The following TMX4 variants were observed in gnomAD, a reference collection of about 807,000 sequenced individuals.
TMX4 encodes the protein thioredoxin-related transmembrane protein 4.
A neutral mutation model predicts 33.3 loss-of-function variants in TMX4; 23 were observed. The ratio of observed to expected loss-of-function variants is 0.69; its 90% CI spans 0.50 to 0.98. TMX4 has a LOEUF of 0.98. Among genes scored for constraint, TMX4 ranks in the 50% least tolerant of loss-of-function variants. The probability of loss-of-function intolerance (pLI) is 0.00; values close to 1 mark genes in which losing one functional copy is unlikely to be tolerated. For missense variants in TMX4, 399 were observed against 448.9 expected (o/e 0.89, Z 1.01); for synonymous variants, 164 against 161.5 (o/e 1.02, Z -0.12).
intron 1 of TMX4, 109 bp downstream of exon 1, chr20:8,019,329 T>G: frequency 1.9e-5 from 24 of 1,275,994 alleles, no homozygotes; most frequent in Non-Finnish European, 2.1e-5. Context: ...GGTCCGGGGT[T>G]TTAGGTTGAG....
chr20:7,982,995 G>A (rs1352611410), intron 7 of TMX4, among the ~76,000 whole-genome samples: 1 of 152,148 alleles, frequency 6.6e-6, no homozygotes, highest in African/African-American at 2.4e-5. Flanking sequence ...GCCAGAGTCA[G>A]GAGAAACAGC....
intron 3 of TMX4, among the ~76,000 whole-genome samples, chr20:8,000,513 T>A (rs1438473915): frequency 6.6e-6 from 1 of 152,194 alleles, no homozygotes; most frequent in Non-Finnish European, 1.5e-5. Context: ...CACTGCTGAA[T>A]ACCACTTCTT....
At chr20:8,012,597 T>C (rs1034757847) in intron 1 of TMX4, among the ~76,000 whole-genome samples, 1 of 152,062 alleles carries the variant, frequency 6.6e-6, no homozygotes, top group African/African-American at 2.4e-5. Flanking sequence ...GAAGTTATCT[T>C]GAAGTATAAT....
chr20:8,006,460 G>A (rs1213875698), intron 2 of TMX4, among the ~76,000 whole-genome samples: 2 of 152,102 alleles, frequency 1.3e-5, no homozygotes, highest in East Asian at 3.9e-4. Flanking sequence ...CACTAACGAA[G>A]ATCTGCAACC....
At chr20:7,993,386 T>TA (rs2050663170) in intron 5 of TMX4, among the ~76,000 whole-genome samples, 1 of 152,140 alleles carries the variant, frequency 6.6e-6, no homozygotes, top group African/African-American at 2.4e-5. Flanking sequence ...TTGCCACAAT[T>TA]ATACATTCAA....
chr20:8,006,993 C>T (rs1333080494), intron 2 of TMX4, among the ~76,000 whole-genome samples: 1 of 152,162 alleles, frequency 6.6e-6, no homozygotes, highest in African/African-American at 2.4e-5. Context: ...TCTTGAACTC[C>T]TGACCTAAGT....
chr20:7,993,565 G>A (rs1012504079), intron 5 of TMX4, among the ~76,000 whole-genome samples: 2 of 152,114 alleles, frequency 1.3e-5, no homozygotes, highest in Non-Finnish European at 2.9e-5. Flanking sequence ...GGGTAGCCAA[G>A]GACTGGGTCT....
At chr20:8,010,134 G>T (rs2050746862) in intron 2 of TMX4, 66 bp downstream of exon 2, 5 of 1,384,900 alleles carry the variant, frequency 3.6e-6, no homozygotes, top group African/African-American at 1.4e-5. Flanking sequence ...TTTTCTATAT[G>T]CTTGAAAAAA....
At chr20:8,008,916 G>C (rs1006046726) in intron 2 of TMX4, among the ~76,000 whole-genome samples, 2 of 152,038 alleles carry the variant, frequency 1.3e-5, no homozygotes, top group African/African-American at 2.4e-5. Context: ...TAGAAATCTC[G>C]CTCCACGGGT....
intron 1 of TMX4, among the ~76,000 whole-genome samples, chr20:8,011,109 A>G (rs902399057): frequency 2.0e-5 from 3 of 152,122 alleles, no homozygotes; most frequent in African/African-American, 7.2e-5. Context: ...AAAGTCTTGA[A>G]TAAATAGAGA....
intron 4 of TMX4, 73 bp downstream of exon 4, chr20:7,999,659 T>C (rs2050694540): frequency 1.3e-6 from 2 of 1,510,828 alleles, no homozygotes; most frequent in Non-Finnish European, 1.8e-6. Context: ...ATAGGCTTTT[T>C]TGAGACCCAC....
chr20:7,986,399 A>T (rs924896576), intron 6 of TMX4, among the ~76,000 whole-genome samples: 1 of 152,174 alleles, frequency 6.6e-6, no homozygotes, highest in Non-Finnish European at 1.5e-5. Context: ...AACATTTTTA[A>T]AAAGAACTTG....
rs191015528 is a variant in TMX4, at chr20:8,006,910, C to G, written c.292+3290G>C. On this transcript the variant is annotated intron_variant, in intron 2 of 7. Coordinates refer to ENST00000246024, the MANE Select transcript of TMX4 (RefSeq NM_021156.4). Reference sequence around the variant, plus strand: ...CCTCCCAAGTAGCTGGAATTATAGGCACCTGCCACCACACCCAGCTAATTT... The same window carrying G: ...CCTCCCAAGTAGCTGGAATTATAGGGACCTGCCACCACACCCAGCTAATTT... Among the ~76,000 whole-genome samples, 64 of 152,214 alleles carry G rather than the reference C, an allele frequency of 4.2e-4. 1 individual carries two copies. The East Asian group carries it at 9.1e-3, about 22-fold the overall frequency.
At chr20:8,001,821 C>A (rs906757121) in intron 2 of TMX4, among the ~76,000 whole-genome samples, 1 of 152,050 alleles carries the variant, frequency 6.6e-6, no homozygotes, top group African/African-American at 2.4e-5. Flanking sequence ...ACCGACTTAC[C>A]CATTTATTAA....
rs778231238 is a variant in TMX4 at position 7,982,595 on chromosome 20, G to A, written c.706C>T (p.His236Tyr). ...GCATCCTGCAACTGTTCAGCTCTAT[G>A]AGCCTCCTCTGATCTCCGATTCTGC... ...SEQNRRSEEA[H>Y]RAEQLQDAEE... Residue 236 changes from histidine to tyrosine, a missense_variant, in exon 8 of 8, where the codon CAT becomes TAT. Transcript: ENST00000246024. The A allele has an allele frequency of 5.0e-6, 8 of 1,612,676 alleles. No individual in the cohort carries two copies. The highest frequency in any genetic ancestry group is 2.2e-5 in the South Asian group (2 of 91,030).
intron 7 of TMX4, among the ~76,000 whole-genome samples, chr20:7,983,590 C>T (rs997300214): frequency 3.3e-5 from 5 of 151,894 alleles, no homozygotes; most frequent in African/African-American, 1.2e-4. Flanking sequence ...AAAGCAATTG[C>T]CAAAATGAAA....
chr20:8,002,012 T>A (rs951422654), intron 2 of TMX4, among the ~76,000 whole-genome samples: 1 of 152,208 alleles, frequency 6.6e-6, no homozygotes. Context: ...TTACATCAGT[T>A]ATCAGTTTAA....
intron 1 of TMX4, among the ~76,000 whole-genome samples, chr20:8,011,526 CAAAACAA>C (rs1600147920): frequency 2.0e-5 from 3 of 150,194 alleles, no homozygotes; most frequent in African/African-American, 7.4e-5. Flanking sequence ...TGCTGAATAA[CAAAACAA>C]AAAACAAAAA....
chr20:8,019,523 C>G lies in TMX4; in HGVS notation c.91G>C (p.Ala31Pro). The G allele has an allele frequency of 6.7e-7, 1 of 1,495,132 alleles. No individual in the cohort carries two copies. The allele number at this position is 1,495,132 out of a possible 1,614,324, so 92.6% of individuals were successfully genotyped here. A position where few individuals can be genotyped will look rare whatever the true frequency, so the allele number is the denominator to read the frequency against. The change falls in exon 1 of 8, where the codon GCG becomes CCG. Residue 31 changes from alanine (A) to proline (P), a missense_variant. By Grantham distance (27) the Ala-to-Pro change is conservative. Coordinates refer to ENST00000246024, the MANE Select transcript of TMX4 (RefSeq NM_021156.4). ...ACCCGGCTCTGCTCCGGCGGCAGCG[C>G]GGCCTCCTCGGGGCCTGCCGTCGCC... is the stretch of plus-strand genomic sequence containing the variant. ...VAATAGPEEA[A>P]LPPEQSRVQP...
Sources: gnomAD v4.1 joint callset for allele counts (sites outside exome capture counted in the v4.1 genomes callset) on GRCh38, gnomAD v4.1.1 for gene constraint, MANE v1.5 for transcripts, NCBI Gene and HGNC (gene_info 2026-07-23, HGNC 2026-07-21) for gene names.